GALNS: variants seen among roughly 807,000 people sequenced by gnomAD.
The protein encoded by GALNS is galactosamine (N-acetyl)-6-sulfatase.
GALNS carries 65 observed loss-of-function variants against 65.9 expected under a neutral mutation model. That is an observed-to-expected ratio of 0.99 (90% confidence interval 0.81 to 1.21). The LOEUF (loss-of-function observed/expected upper bound fraction) is 1.21. Ranked by LOEUF, GALNS falls within the 50% of genes most tolerant of loss-of-function variation. The pLI, the probability that GALNS is intolerant of heterozygous loss-of-function variation, is 0.00. For synonymous variants in GALNS, 346 were observed against 288.9 expected, an observed-to-expected ratio of 1.20 and a Z score of -2.00; for missense variants, 776 against 700.7, an observed-to-expected ratio of 1.11 and a Z score of -1.21.
chr16:88,815,442 G>C lies in GALNS; in HGVS notation c.1483-917C>G, dbSNP rs541721898. ...TGGGCTCAGTTCAGTGCGGTGCTGA[G>C]CGGAGCCCGCACCCCTCCATCGCCT... On this transcript the variant is annotated intron_variant, in intron 13 of 13. Transcript: ENST00000268695. 2.9e-4 allele frequency: 282 copies of C among 985,490 alleles called. 2 individuals are homozygous for C. In the Admixed American group the frequency reaches 5.8e-3, roughly 20 times the overall value. 61.0% of individuals were successfully genotyped at this position (985,490 alleles called of 1,614,324 possible). A position where few individuals can be genotyped will look rare whatever the true frequency, so the allele number is the denominator to read the frequency against.
intron 8 of GALNS, among the ~76,000 whole-genome samples, chr16:88,834,382 G>C (rs1314160892): frequency 1.4e-5 from 2 of 142,290 alleles, no homozygotes; most frequent in Non-Finnish European, 3.1e-5. Flanking sequence ...TCTGGGAAGA[G>C]GCTGCAGGGC....
At chr16:88,820,953 T>C (rs1910148158) in intron 12 of GALNS, among the ~76,000 whole-genome samples, 2 of 152,096 alleles carry the variant, frequency 1.3e-5, no homozygotes, top group Admixed American at 1.3e-4. Flanking sequence ...GGGGGGGCTG[T>C]TGGCTCCTCA....
chr16:88,821,970 T>TA (rs1910267781), intron 12 of GALNS, among the ~76,000 whole-genome samples: 1 of 151,900 alleles, frequency 6.6e-6, no homozygotes, highest in African/African-American at 2.4e-5. Flanking sequence ...CAGGTAGCCC[T>TA]AGCCCAGGGA....
intron 11 of GALNS, among the ~76,000 whole-genome samples, chr16:88,823,322 ACACT>A (rs762679406): frequency 4.4e-4 from 67 of 152,366 alleles, no homozygotes; most frequent in Non-Finnish European, 6.8e-4. Context: ...ACAGATTCAC[ACACT>A]CAAGAAGGGC....
intron 13 of GALNS, chr16:88,816,682 C>A: frequency 3.0e-6 from 3 of 985,470 alleles, no homozygotes; most frequent in Non-Finnish European, 3.6e-6. Flanking sequence ...CATCCGCCGG[C>A]CCACGCTGTG....
Position 88,834,636 on chromosome 16 carries a change from C to T in GALNS, c.898+577G>A, listed in dbSNP as rs1227903175. On this transcript the variant is annotated intron_variant, in intron 8 of 13. Transcript: ENST00000268695. ...GTGGTCTGGGAAGAGGCTGCAGGGC[C>T]CCCCCCCGCGTGGTCTGGGAAGAGG... 2.2e-4 allele frequency among the ~76,000 whole-genome samples: 17 copies of T among 78,688 alleles called. 2 individuals are homozygous for T. Among genetic ancestry groups the T allele is most frequent in the South Asian group, 5.5e-4 (1 of 1,834 alleles). 51.6% of individuals were successfully genotyped at this position (78,688 alleles called of 152,430 possible). A position where few individuals can be genotyped will look rare whatever the true frequency, so the allele number is the denominator to read the frequency against.
At chr16:88,833,449 A>AT (rs201701769) in intron 8 of GALNS, among the ~76,000 whole-genome samples, 1 of 123,874 alleles carries the variant, frequency 8.1e-6, no homozygotes, top group African/African-American at 3.0e-5. Flanking sequence ...TCTCTCTCCC[A>AT]TCCCCTTTTT....
At chr16:88,850,832 G>C (rs1425638089) in intron 1 of GALNS, among the ~76,000 whole-genome samples, 1 of 152,244 alleles carries the variant, frequency 6.6e-6, no homozygotes, top group Non-Finnish European at 1.5e-5. Flanking sequence ...CCTGGCATGT[G>C]CCGAGACTCT....
chr16:88,819,986 C>T (rs1310478355), intron 12 of GALNS, among the ~76,000 whole-genome samples: 1 of 152,046 alleles, frequency 6.6e-6, no homozygotes, highest in East Asian at 1.9e-4. Context: ...GCCACTGTGC[C>T]CGGCCTTAAT....
At chr16:88,820,262 G>A (rs961423372) in intron 12 of GALNS, among the ~76,000 whole-genome samples, 1 of 152,108 alleles carries the variant, frequency 6.6e-6, no homozygotes, top group Non-Finnish European at 1.5e-5. Context: ...TCGAGTAGCT[G>A]GGATTACAGG....
At chr16:88,856,086 G>A in intron 1 of GALNS, 3 of 680,516 alleles carry the variant, frequency 4.4e-6, no homozygotes, top group Middle Eastern at 2.3e-4. Flanking sequence ...TGAGTCTCCA[G>A]GTGGCTCCCA....
At chr16:88,841,524 C>T (rs1966972105) in intron 3 of GALNS, among the ~76,000 whole-genome samples, 1 of 152,212 alleles carries the variant, frequency 6.6e-6, no homozygotes, top group African/African-American at 2.4e-5. Context: ...GTGAGATGCC[C>T]CTGGGGAGCC....
intron 2 of GALNS, 114 bp downstream of exon 2, chr16:88,842,592 T>C: frequency 7.7e-7 from 1 of 1,298,608 alleles, no homozygotes; most frequent in Non-Finnish European, 1.1e-6. Flanking sequence ...CTCCCTGCAG[T>C]AGTAGGAATA....
chr16:88,816,373 GGC>G, intron 13 of GALNS: 1 of 985,412 alleles, frequency 1.0e-6, no homozygotes, highest in Non-Finnish European at 1.2e-6. Context: ...GGTGGCCCTG[GGC>G]TCCTGGGGCC....
rs11076716 is a variant in GALNS at position 88,814,557 on chromosome 16, C to G, written c.1483-32G>C. The G allele has an allele frequency of 0.23, 353,504 of 1,549,980 alleles. 43,264 individuals are homozygous for G. The highest frequency in any genetic ancestry group is 0.54 in the East Asian group (21,933 of 40,944). On this transcript the variant is annotated intron_variant, in intron 13 of 13. Transcript: ENST00000268695. ...AATGAAAATTGAGAAAAAGAACATGCAGTTATTCAAGCTCTTCTGGACCCA... is the reference window on the plus strand; with the variant it reads ...AATGAAAATTGAGAAAAAGAACATGGAGTTATTCAAGCTCTTCTGGACCCA...
At chr16:88,847,655 C>G (rs896799837) in intron 1 of GALNS, among the ~76,000 whole-genome samples, 1 of 152,204 alleles carries the variant, frequency 6.6e-6, no homozygotes, top group South Asian at 2.1e-4. Flanking sequence ...CAGTTCACCA[C>G]GACAGGGACT....
In GALNS at chr16:88,830,335, G is replaced by C. The variant is rs190052580; in HGVS notation, c.1002+1663C>G. Among the ~76,000 whole-genome samples the C allele has an allele frequency of 7.0e-4, 106 of 152,184 alleles. No homozygotes were observed. In the East Asian group the frequency reaches 0.019, roughly 27 times the overall value. On this transcript the variant is annotated intron_variant, in intron 9 of 13. Transcript: ENST00000268695. ...GGAGGGGCCAGGAGCTCAGGAATGG[G>C]GCAGCTACTAGGATTGGGAAAAGGC...
rs544034 is a variant in GALNS at position 88,842,968 on chromosome 16, C to G, written c.121-139G>C. 8,275 of 1,527,136 alleles carry G rather than the reference C, an allele frequency of 5.4e-3. 170 individuals are homozygous for G. The East Asian group carries it at 0.059, about 11-fold the overall frequency. The allele number at this position is 1,527,136 out of a possible 1,614,324, so 94.6% of individuals were successfully genotyped here. A position where few individuals can be genotyped will look rare whatever the true frequency, so the allele number is the denominator to read the frequency against. ...CTGTGTCCCAGCCAGCGGCAGAGCT[C>G]GGCCAAACCCCAGCATCGCCTGCGT... is the stretch of plus-strand genomic sequence containing the variant. On this transcript the variant is annotated intron_variant, in intron 1 of 13. Coordinates refer to ENST00000268695, the MANE Select transcript of GALNS (RefSeq NM_000512.5).
At chr16:88,833,686 G>A (rs956679798) in intron 8 of GALNS, among the ~76,000 whole-genome samples, 2 of 152,046 alleles carry the variant, frequency 1.3e-5, no homozygotes, top group Non-Finnish European at 1.5e-5. Context: ...TCCTGACCTC[G>A]TGATCCACCC....
Sources: allele counts gnomAD v4.1 joint callset (sites outside exome capture counted in the v4.1 genomes callset), GRCh38; gene constraint gnomAD v4.1.1; transcripts MANE v1.5; gene names NCBI Gene and HGNC (gene_info 2026-07-23, HGNC 2026-07-21).